Variants in ICA1L observed in about 807,000 individuals in gnomAD.
ICA1L encodes the protein islet cell autoantigen 1-like protein.
Under a neutral mutation model 61.3 loss-of-function variants are expected in ICA1L, and 50 were observed. That is an observed-to-expected ratio of 0.82 (90% CI 0.65 to 1.03). ICA1L has a LOEUF of 1.03. ICA1L is among the 50% of genes least tolerant of loss of function. The pLI is 0.00. For synonymous variants in ICA1L, 161 were observed against 191.3 expected, an observed-to-expected ratio of 0.84 and a Z score of 1.31; for missense variants, 508 against 556.7, an observed-to-expected ratio of 0.91 and a Z score of 0.88.
At chr2:202,789,581 G>C (rs1172431857) in intron 10 of ICA1L, among the ~76,000 whole-genome samples, 1 of 152,104 alleles carries the variant, frequency 6.6e-6, no homozygotes, top group Non-Finnish European at 1.5e-5. Flanking sequence ...CAAAAATTGT[G>C]TTCTTAAAGT....
rs563054089 is a variant in ICA1L at position 202,815,122 on chromosome 2, TTC to T, written c.784-340_784-339del. 3.4e-3 allele frequency among the ~76,000 whole-genome samples: 517 copies of T among 152,366 alleles called. 3 individuals are homozygous for T. The highest frequency in any genetic ancestry group is 8.5e-3 in the Admixed American group (130 of 15,306). On this transcript the variant is annotated intron_variant, in intron 7 of 12. Coordinates refer to ENST00000358299, the MANE Select transcript of ICA1L (RefSeq NM_001288622.3). ...TACAGCTAAAGATTTTCAATTTTGA[TTC>T]TGAGCAGAAATTGGATATAAAATTT... is the stretch of plus-strand genomic sequence containing the variant.
At chr2:202,824,371 G>C (rs1483849545) in intron 3 of ICA1L, among the ~76,000 whole-genome samples, 1 of 151,924 alleles carries the variant, frequency 6.6e-6, no homozygotes, top group Non-Finnish European at 1.5e-5. Context: ...CTGCACTCTA[G>C]CCTGGGCGAC....
chr2:202,780,758 C>CAGTTCTGTTTCTGAGTACCCTGA (rs1559124422), intron 12 of ICA1L, among the ~76,000 whole-genome samples: 1 of 152,104 alleles, frequency 6.6e-6, no homozygotes, highest in Non-Finnish European at 1.5e-5. Context: ...TCTGTGTGTC[C>CAGTTCTGTTTCTGAGTACCCTGA]AGTTCTGTTT....
At chr2:202,808,735 TA>T (rs1693295250) in intron 9 of ICA1L, among the ~76,000 whole-genome samples, 1 of 152,148 alleles carries the variant, frequency 6.6e-6, no homozygotes, top group Non-Finnish European at 1.5e-5. Context: ...GCCTGGGTAA[TA>T]CAGGGAATTC....
At chr2:202,811,679 A>AAT in intron 9 of ICA1L, 67 bp downstream of exon 9, 1 of 979,602 alleles carries the variant, frequency 1.0e-6, no homozygotes, top group Non-Finnish European at 1.6e-6. Context: ...AAAAAAAAAA[A>AAT]GGCTGTGATA....
intron 1 of ICA1L, among the ~76,000 whole-genome samples, chr2:202,847,829 C>T (rs1694508963): frequency 1.3e-5 from 2 of 151,522 alleles, no homozygotes; most frequent in South Asian, 4.2e-4. Flanking sequence ...TGGAATCAAC[C>T]TAGATACACA....
chr2:202,783,631 A>C (rs1325284222), intron 12 of ICA1L, among the ~76,000 whole-genome samples: 1 of 152,230 alleles, frequency 6.6e-6, no homozygotes, highest in Non-Finnish European at 1.5e-5. Context: ...ACTTTACTAA[A>C]TGCAATGTGT....
At chr2:202,865,012 A>C (rs1687448372) in intron 1 of ICA1L, among the ~76,000 whole-genome samples, 1 of 151,786 alleles carries the variant, frequency 6.6e-6, no homozygotes, top group African/African-American at 2.4e-5. Context: ...AAAATACAAA[A>C]ATCAGCTGGG....
rs1693482213 is a variant in ICA1L, at chr2:202,814,733, T to C, written c.835A>G (p.Ile279Val). 1.9e-6 allele frequency: 3 copies of C among 1,613,772 alleles called. No homozygotes were observed. Among genetic ancestry groups the C allele is most frequent in the Admixed American group, 1.7e-5 (1 of 59,996 alleles). The change falls in exon 8 of 13, where the codon ATA (isoleucine) becomes GTA (valine). Residue 279 changes from isoleucine to valine, a missense_variant. Ile to Val is a conservative substitution (Grantham distance 29). Transcript: ENST00000358299. The stretch of plus-strand genomic sequence containing the variant: ...AGCTGTTCAGTAAGAAAACCGCCTA[T>C]TTGTTCATCTTTATTGTCTTCACTA... ...KISEDNKDEQIGGFLTEQLNK... is the reference protein window; with the variant it reads ...KISEDNKDEQVGGFLTEQLNK...
intron 1 of ICA1L, among the ~76,000 whole-genome samples, chr2:202,853,922 C>G (rs1694699978): frequency 6.6e-6 from 1 of 152,128 alleles, no homozygotes; most frequent in Non-Finnish European, 1.5e-5. Context: ...AAACCAGTAC[C>G]AGCCACTGCA....
chr2:202,789,078 T>C lies in ICA1L; in HGVS notation c.995A>G (p.Asp332Gly). 1 of 1,607,910 alleles carries C rather than the reference T, an allele frequency of 6.2e-7. No homozygotes were observed. The highest frequency in any genetic ancestry group is 8.5e-7 in the Non-Finnish European group (1 of 1,177,960). Reference protein sequence around the residue: ...QFSNSENVAKDLPVDSLEGED... With the variant: ...QFSNSENVAKGLPVDSLEGED... ...TCCTTCCAATGAATCTACAGGTAGA[T>C]CTTTTGCAACTATTGAGTGTAAATA... is the stretch of plus-strand genomic sequence containing the variant. Residue 332 changes from aspartate to glycine, a missense_variant, in exon 11 of 13, where the codon GAT (aspartate) becomes GGT (glycine). Physicochemically the swap from Asp to Gly is moderately conservative, Grantham distance 94. Coordinates refer to ENST00000358299, the MANE Select transcript of ICA1L (RefSeq NM_001288622.3).
At chr2:202,870,235 CTTTG>C (rs1398898706) in intron 1 of ICA1L, among the ~76,000 whole-genome samples, 2 of 151,992 alleles carry the variant, frequency 1.3e-5, no homozygotes, top group South Asian at 2.1e-4. Flanking sequence ...CTGGTATAAA[CTTTG>C]TTTTATATTT....
At chr2:202,862,487 G>C (rs1261985299) in intron 1 of ICA1L, among the ~76,000 whole-genome samples, 1 of 151,948 alleles carries the variant, frequency 6.6e-6, no homozygotes, top group Non-Finnish European at 1.5e-5. Flanking sequence ...TTTTAAACAG[G>C]AATCAATATC....
In ICA1L at chr2:202,794,261, G is replaced by A. The variant is rs190813876; in HGVS notation, c.985+2629C>T. ...CTTGGGAGGCTGAAGCAGGAGAATC[G>A]CTTGAACCCAGGAGGCAGAGGTTGC... On this transcript the variant is annotated intron_variant, in intron 10 of 12. Coordinates refer to ENST00000358299, the MANE Select transcript of ICA1L (RefSeq NM_001288622.3). 3.5e-3 allele frequency among the ~76,000 whole-genome samples: 526 copies of A among 148,496 alleles called. 1 individual carries two copies. Among genetic ancestry groups the A allele is most frequent in the Non-Finnish European group, 6.1e-3 (415 of 67,584 alleles).
chr2:202,868,069 C>CA (rs1353540887), intron 1 of ICA1L, among the ~76,000 whole-genome samples: 4 of 151,788 alleles, frequency 2.6e-5, no homozygotes, highest in African/African-American at 9.7e-5. Context: ...AAAAAGTTTT[C>CA]AAACTAGAGA....
chr2:202,819,540 T>G, intron 5 of ICA1L, 161 bp downstream of exon 5: 1 of 612,390 alleles, frequency 1.6e-6, no homozygotes, highest in East Asian at 2.8e-5. Flanking sequence ...AAAATAAAAG[T>G]GTGACAAACT....
At chr2:202,852,286 AT>A (rs1035878040) in intron 1 of ICA1L, among the ~76,000 whole-genome samples, 1 of 152,100 alleles carries the variant, frequency 6.6e-6, no homozygotes, top group African/African-American at 2.4e-5. Flanking sequence ...GCTGGGTCAA[AT>A]GGTATTTCTA....
intron 11 of ICA1L, among the ~76,000 whole-genome samples, chr2:202,787,346 C>T (rs564753070): frequency 5.5e-4 from 83 of 152,224 alleles, no homozygotes; most frequent in African/African-American, 1.4e-3. Flanking sequence ...CTGCTAGAAA[C>T]GTGGCAAGTT....
intron 12 of ICA1L, among the ~76,000 whole-genome samples, chr2:202,780,745 C>T (rs1218871469): frequency 6.6e-6 from 1 of 152,154 alleles, no homozygotes; most frequent in Admixed American, 6.5e-5. Context: ...TGAAAGGCTT[C>T]ACTCTGTGTG....
Sources: allele counts gnomAD v4.1 joint callset (sites outside exome capture counted in the v4.1 genomes callset), GRCh38; gene constraint gnomAD v4.1.1; transcripts MANE v1.5; gene names NCBI Gene and HGNC (gene_info 2026-07-23, HGNC 2026-07-21).